Variants in OSBP2 observed in about 807,000 individuals in gnomAD.
OSBP2 encodes the protein oxysterol binding protein 2, also known as oxysterol-binding protein 2.
Under a neutral mutation model 96.0 loss-of-function variants are expected in OSBP2, and 66 were observed. The ratio of observed to expected loss-of-function variants is 0.69; its 90% confidence interval spans 0.56 to 0.84. The LOEUF (loss-of-function observed/expected upper bound fraction) is 0.84, where lower values mean the gene tolerates loss of function less well. OSBP2 is among the 40% of genes least tolerant of loss of function. The probability of loss-of-function intolerance (pLI) is 0.00; values close to 1 mark genes in which losing one functional copy is unlikely to be tolerated. For synonymous variants in OSBP2, 525 were observed against 520.9 expected (o/e 1.01, Z -0.11); for missense variants, 1,038 against 1,222.7 (o/e 0.85, Z 2.25).
rs527399301 is a variant in OSBP2 at position 30,860,213 on chromosome 22, C to T, written c.854-10216C>T. 2.0e-3 allele frequency among the ~76,000 whole-genome samples: 297 copies of T among 152,220 alleles called. 1 individual carries two copies. Among genetic ancestry groups the T allele is most frequent in the Non-Finnish European group, 3.4e-3 (231 of 68,016 alleles). On this transcript the variant is annotated intron_variant, in intron 2 of 13. Coordinates refer to ENST00000332585, the MANE Select transcript of OSBP2 (RefSeq NM_030758.4). ...CCCCCAAGTTACCAGTCAGTCCCATCGCCCAGGATGCTTGAGCCTTCAGGC... is the reference window on the plus strand; with the variant it reads ...CCCCCAAGTTACCAGTCAGTCCCATTGCCCAGGATGCTTGAGCCTTCAGGC...
At chr22:30,770,035 C>T (rs1602238579) in intron 2 of OSBP2, among the ~76,000 whole-genome samples, 1 of 151,806 alleles carries the variant, frequency 6.6e-6, no homozygotes, top group South Asian at 2.1e-4. Flanking sequence ...TTCCCCTGCA[C>T]GTGCTCTCTT....
chr22:30,775,626 A>G (rs1184097854), intron 2 of OSBP2, among the ~76,000 whole-genome samples: 1 of 152,144 alleles, frequency 6.6e-6, no homozygotes, highest in African/African-American at 2.4e-5. Flanking sequence ...CTCAAAAAAC[A>G]AACAAACAAA....
At chr22:30,786,403 G>T (rs1363576263) in intron 2 of OSBP2, among the ~76,000 whole-genome samples, 1 of 152,090 alleles carries the variant, frequency 6.6e-6, no homozygotes, top group Non-Finnish European at 1.5e-5. Context: ...GCACTAGGAG[G>T]TGAGGAGTCA....
chr22:30,902,453 G>C, intron 12 of OSBP2: 3 of 1,585,812 alleles, frequency 1.9e-6, no homozygotes, highest in Non-Finnish European at 2.6e-6. Flanking sequence ...GCAGAAGGCA[G>C]AAAACAAGAT....
At chr22:30,761,635 T>G (rs1051453422) in intron 2 of OSBP2, among the ~76,000 whole-genome samples, 2 of 152,096 alleles carry the variant, frequency 1.3e-5, no homozygotes, top group African/African-American at 2.4e-5. Flanking sequence ...TAAAGCAACT[T>G]TGAAAAAGAA....
rs201836388 is a variant in OSBP2, at chr22:30,905,805, AGCCACCGCCACC to A, written c.2376-25_2376-14del. 1.4e-5 allele frequency: 23 copies of A among 1,608,212 alleles called. No individual in the cohort carries two copies. In the Middle Eastern group the frequency reaches 6.6e-4, roughly 46 times the overall value. ...GTAGGTGTGGTCCGGCTCACACCGC[AGCCACCGCCACC>A]GCCACCACCACCGCCACAGGGAGAA... On this transcript the variant is annotated intron_variant, in intron 12 of 13. Transcript: ENST00000332585.
At chr22:30,873,080 T>A (rs2039493593) in intron 3 of OSBP2, among the ~76,000 whole-genome samples, 1 of 152,178 alleles carries the variant, frequency 6.6e-6, no homozygotes, top group African/African-American at 2.4e-5. Context: ...CACTTACCCC[T>A]TCCAACAGCC....
chr22:30,889,136 C>T lies in OSBP2; in HGVS notation c.1419-41C>T, dbSNP rs768026219. ...GATGGGCCAGGTCCCAAGGAGACCT[C>T]GGGATTCATTAGTAACTTGCCTCCC... On this transcript the variant is annotated intron_variant, in intron 5 of 13. Transcript: ENST00000332585. 17 of 1,578,178 alleles carry T rather than the reference C, an allele frequency of 1.1e-5. No homozygotes were observed. The East Asian group carries it at 1.1e-4, about 10-fold the overall frequency.
chr22:30,706,893 G>T (rs763885021), intron 1 of OSBP2, among the ~76,000 whole-genome samples: 2 of 152,092 alleles, frequency 1.3e-5, no homozygotes, highest in African/African-American at 4.8e-5. Context: ...TTCCTGCAAC[G>T]ATCTGGAGGA....
intron 3 of OSBP2, among the ~76,000 whole-genome samples, chr22:30,883,334 C>T (rs1326504557): frequency 3.3e-5 from 5 of 152,216 alleles, no homozygotes; most frequent in Admixed American, 1.3e-4. Flanking sequence ...TGTACTGACC[C>T]GATTAGCCCC....
At chr22:30,889,155 G>C in intron 5 of OSBP2, 22 bp from the exon 6 acceptor site, 1 of 1,610,288 alleles carries the variant, frequency 6.2e-7, no homozygotes, top group Admixed American at 1.7e-5. Context: ...TTAGTAACTT[G>C]CCTCCCGCTT....
intron 1 of OSBP2, among the ~76,000 whole-genome samples, chr22:30,703,908 G>T (rs2089203558): frequency 6.6e-6 from 1 of 152,218 alleles, no homozygotes; most frequent in African/African-American, 2.4e-5. Context: ...ACAACCTTTT[G>T]TCTGTGGGGT....
chr22:30,699,623 T>C (rs1231240293), intron 1 of OSBP2, among the ~76,000 whole-genome samples: 3 of 152,226 alleles, frequency 2.0e-5, no homozygotes, highest in African/African-American at 7.2e-5. Flanking sequence ...CTCATTGTAG[T>C]CCTGACCTGC....
intron 1 of OSBP2, among the ~76,000 whole-genome samples, chr22:30,711,036 C>T (rs914225544): frequency 2.4e-4 from 37 of 152,182 alleles, no homozygotes; most frequent in African/African-American, 8.0e-4. Context: ...TGAGTCACTG[C>T]GCCCAGCCTT....
At chr22:30,858,851 G>C (rs1018017445) in intron 2 of OSBP2, among the ~76,000 whole-genome samples, 6 of 147,910 alleles carry the variant, frequency 4.1e-5, no homozygotes, top group African/African-American at 1.5e-4. Context: ...TGCACTCCAG[G>C]CTGGGTGACA....
chr22:30,787,984 G>A lies in OSBP2; in HGVS notation c.853+46615G>A, dbSNP rs550462048. Among the ~76,000 whole-genome samples, 10 of 152,300 alleles carry A rather than the reference G, an allele frequency of 6.6e-5. No individual in the cohort carries two copies. In the East Asian group the frequency reaches 1.4e-3, roughly 21 times the overall value. On this transcript the variant is annotated intron_variant, in intron 2 of 13. Transcript: ENST00000332585. ...GGACAGAAGCATGGAGACTGAGAGC[G>A]CTTCAGTAGGCAGAGCCAAGCTCCA...
chr22:30,870,475 CGA>C lies in OSBP2; in HGVS notation c.902_903del (p.Glu301AlafsTer14), dbSNP rs1482972996. On this transcript the variant is annotated frameshift_variant, in exon 3 of 14. Coordinates refer to ENST00000332585, the MANE Select transcript of OSBP2 (RefSeq NM_030758.4). LOFTEE classifies it high-confidence loss of function. This position sits in a 1 kb window ranked among gnomAD's most constrained non-coding sequence, Gnocchi z 4.1. ...AGGCTACCACCCCAGCCGACAAGAG[CGA>C]GCTGCACCACACCCTGAAGAATCTT... Reference protein sequence around the residue: ...DEATTPADKSELHHTLKNLSL... With the variant: ...DEATTPADKSXLHHTLKNLSL... 3 of 1,613,916 alleles carry C rather than the reference CGA, an allele frequency of 1.9e-6. No homozygotes were observed. Among genetic ancestry groups the C allele is most frequent in the Non-Finnish European group, 2.5e-6 (3 of 1,180,008 alleles).
chr22:30,904,160 C>A (rs1268921677), intron 12 of OSBP2, among the ~76,000 whole-genome samples: 2 of 152,200 alleles, frequency 1.3e-5, no homozygotes, highest in African/African-American at 2.4e-5. Flanking sequence ...GAGACCCTTG[C>A]AGGGTGATGG....
At chr22:30,834,009 G>A (rs2038582813) in intron 2 of OSBP2, among the ~76,000 whole-genome samples, 1 of 151,994 alleles carries the variant, frequency 6.6e-6, no homozygotes, top group South Asian at 2.1e-4. Flanking sequence ...ATATTTACTT[G>A]ATCACCATTT....
Sources: gnomAD v4.1 joint callset for allele counts (sites outside exome capture counted in the v4.1 genomes callset) on GRCh38, gnomAD v4.1.1 for gene constraint, Gnocchi (gnomAD v3.1) non-coding constraint, MANE v1.5 for transcripts, NCBI Gene and HGNC (gene_info 2026-07-23, HGNC 2026-07-21) for gene names.